TMEM135: variants seen among roughly 807,000 people sequenced by gnomAD.
TMEM135 encodes peroxisomal membrane protein 52.
A neutral mutation model predicts 60.3 loss-of-function variants in TMEM135; 30 were observed. The observed-to-expected ratio is 0.50, with a 90% CI of 0.37 to 0.68. The LOEUF (loss-of-function observed/expected upper bound fraction) is 0.68. TMEM135 is among the 30% of genes least tolerant of loss of function. The probability of loss-of-function intolerance (pLI) is 0.00; values close to 1 mark genes in which losing one functional copy is unlikely to be tolerated. For missense variants in TMEM135, 468 were observed against 548.8 expected, an observed-to-expected ratio of 0.85 and a Z score of 1.47; for synonymous variants, 190 against 186.7, an observed-to-expected ratio of 1.02 and a Z score of -0.14.
chr11:87,066,783 C>T (rs3133316), intron 1 of TMEM135, among the ~76,000 whole-genome samples: 58,354 of 115,642 alleles, frequency 0.5, 14,420 homozygotes, highest in East Asian at 0.79. Flanking sequence ...TAGATTCTTT[C>T]TTTTTTTTTT....
chr11:87,307,011 G>A lies in TMEM135; in HGVS notation c.768+1006G>A, dbSNP rs115472490. Among the ~76,000 whole-genome samples the A allele has an allele frequency of 2.6e-3, 403 of 152,180 alleles. 2 individuals carry two copies. The highest frequency in any genetic ancestry group is 8.9e-3 in the African/African-American group (370 of 41,508). On this transcript the variant is annotated intron_variant, in intron 9 of 14. Coordinates refer to ENST00000305494, the MANE Select transcript of TMEM135 (RefSeq NM_022918.4). ...TAGGATTACAGGTGTGAACCACCGC[G>A]CCCGGCCAAGTTCCTTTATTTTGAA...
intron 5 of TMEM135, among the ~76,000 whole-genome samples, chr11:87,195,390 C>CTTCTCTCTCTCTCTCT (rs1565482230): frequency 4.2e-5 from 2 of 47,856 alleles, no homozygotes; most frequent in Non-Finnish European, 4.2e-5. Flanking sequence ...TCCTTCCTTC[C>CTTCTCTCTCTCTCTCT]TTCTCTCTCT....
chr11:87,215,729 A>C (rs1231606517), intron 5 of TMEM135, among the ~76,000 whole-genome samples: 2 of 152,168 alleles, frequency 1.3e-5, no homozygotes, highest in African/African-American at 2.4e-5. Flanking sequence ...ATGGCAAGGG[A>C]AGTATGCATA....
In TMEM135 at chr11:87,318,119, C is replaced by T. The variant is rs201424298; in HGVS notation, c.1078-18C>T. 1.0e-5 allele frequency: 16 copies of T among 1,598,126 alleles called. No individual in the cohort carries two copies. Among genetic ancestry groups the T allele is most frequent in the Admixed American group, 1.7e-5 (1 of 59,938 alleles). ...GAGGTTTTTTCTTTATAACTCTTGT[C>T]TTATGCTTGTTTTGCAGACAATGTA... is the stretch of plus-strand genomic sequence containing the variant. On this transcript the variant is annotated intron_variant, in intron 12 of 14. Coordinates refer to ENST00000305494, the MANE Select transcript of TMEM135 (RefSeq NM_022918.4).
chr11:87,195,977 C>A (rs1208451299), intron 5 of TMEM135, among the ~76,000 whole-genome samples: 1 of 151,884 alleles, frequency 6.6e-6, no homozygotes, highest in Non-Finnish European at 1.5e-5. Flanking sequence ...GACACAGATG[C>A]TGAGGAAATA....
chr11:87,047,498 A>C (rs1019057533), intron 1 of TMEM135, among the ~76,000 whole-genome samples: 1 of 151,118 alleles, frequency 6.6e-6, no homozygotes, highest in African/African-American at 2.4e-5. Context: ...GCACTGCCTC[A>C]CCTGGGAAGC....
intron 6 of TMEM135, among the ~76,000 whole-genome samples, chr11:87,276,665 A>ATTTTTTTTT (rs11340916): frequency 1.9e-4 from 22 of 115,636 alleles, no homozygotes; most frequent in Middle Eastern, 5.3e-3. Context: ...GTGTTTGTGA[A>ATTTTTTTTT]TTTTTTTTTT....
chr11:87,298,416 C>T (rs1386610257), intron 7 of TMEM135, among the ~76,000 whole-genome samples: 1 of 152,108 alleles, frequency 6.6e-6, no homozygotes, highest in South Asian at 2.1e-4. Context: ...GTCCTTTATC[C>T]ATAAAGGACA....
chr11:87,258,849 C>T, intron 6 of TMEM135: 1 of 775,754 alleles, frequency 1.3e-6, no homozygotes, highest in East Asian at 2.6e-5. Context: ...CAGTAACAAT[C>T]TAGATCTTTC....
At chr11:87,101,080 G>A (rs935913960) in intron 4 of TMEM135, among the ~76,000 whole-genome samples, 8 of 152,124 alleles carry the variant, frequency 5.3e-5, no homozygotes, top group Non-Finnish European at 1.2e-4. Context: ...AAAAATAGTA[G>A]TTTTCTAGAT....
At chr11:87,155,761 AT>A (rs370982109) in intron 4 of TMEM135, among the ~76,000 whole-genome samples, 31 of 152,226 alleles carry the variant, frequency 2.0e-4, no homozygotes, top group African/African-American at 6.7e-4. Flanking sequence ...TCTCATGCTG[AT>A]TTGGTTCCTC....
At chr11:87,287,414 C>T (rs1207611567) in intron 6 of TMEM135, among the ~76,000 whole-genome samples, 2 of 152,190 alleles carry the variant, frequency 1.3e-5, no homozygotes, top group African/African-American at 2.4e-5. Flanking sequence ...CGCAGTGGCT[C>T]AAGCCTGTAA....
At position 87,322,490 on chromosome 11, in the gene TMEM135, A is replaced by T; in HGVS notation, c.*1157A>T. The T allele has an allele frequency of 2.2e-6, 1 of 454,010 alleles. No individual in the cohort carries two copies. Among genetic ancestry groups the T allele is most frequent in the South Asian group, 1.6e-5 (1 of 64,468 alleles). 28.1% of individuals were successfully genotyped at this position (454,010 alleles called of 1,614,324 possible). On this transcript the variant is annotated 3_prime_UTR_variant, in exon 15 of 15. Coordinates refer to ENST00000305494, the MANE Select transcript of TMEM135 (RefSeq NM_022918.4). ...AGTAGTTCAGGACAGCTGTGATTGAAATATGGTCGCTATTTACAGTTTTTC... is the reference window on the plus strand; with the variant it reads ...AGTAGTTCAGGACAGCTGTGATTGATATATGGTCGCTATTTACAGTTTTTC...
intron 3 of TMEM135, among the ~76,000 whole-genome samples, chr11:87,084,142 A>G (rs12801184): frequency 0.02 from 3,086 of 152,260 alleles, 35 homozygotes; most frequent in Non-Finnish European, 0.028. Context: ...ATTATTGATT[A>G]CGCATCTAAT....
At position 87,325,406 on chromosome 11, in the gene TMEM135, C is replaced by G. The variant is rs1176980701; in HGVS notation, c.*4073C>G. On this transcript the variant is annotated 3_prime_UTR_variant, in exon 15 of 15. Transcript: ENST00000305494. ...ATAAGAATGTGTGCTATTTTACACA[C>G]AGAAGAAAATGATTGACTTTTGGTT... 1 of 453,902 alleles carries G rather than the reference C, an allele frequency of 2.2e-6. No homozygotes were observed. Among genetic ancestry groups the G allele is most frequent in the African/African-American group, 2.0e-5 (1 of 49,972 alleles). The allele number at this position is 453,902 out of a possible 1,614,324, so 28.1% of individuals were successfully genotyped here. A position where few individuals can be genotyped will look rare whatever the true frequency, so the allele number is the denominator to read the frequency against.
intron 4 of TMEM135, among the ~76,000 whole-genome samples, chr11:87,102,144 T>A (rs1443800776): frequency 6.6e-6 from 1 of 152,206 alleles, no homozygotes; most frequent in Non-Finnish European, 1.5e-5. Context: ...GGAGATAGCA[T>A]CAGATTCCAC....
Position 87,082,235 on chromosome 11 carries a change from G to A in TMEM135, c.363-9127G>A, listed in dbSNP as rs117087214. 9.5e-3 allele frequency among the ~76,000 whole-genome samples: 1,450 copies of A among 152,212 alleles called. 14 individuals carry two copies. Among genetic ancestry groups the A allele is most frequent in the Middle Eastern group, 0.017 (5 of 294 alleles). ...GACAAGTTGCCTTACAGTGTGTCTT[G>A]TTTTAAGTAAATGTGTCTGTGCGTA... On this transcript the variant is annotated intron_variant, in intron 3 of 14. Transcript: ENST00000305494.
At chr11:87,170,155 C>G (rs888976980) in intron 5 of TMEM135, among the ~76,000 whole-genome samples, 1 of 152,128 alleles carries the variant, frequency 6.6e-6, no homozygotes, top group African/African-American at 2.4e-5. Context: ...ATTTTCTTCT[C>G]TAAACTGGTT....
chr11:87,322,928 G>A lies in TMEM135; in HGVS notation c.*1595G>A, dbSNP rs1942848873. On this transcript the variant is annotated 3_prime_UTR_variant, in exon 15 of 15. Coordinates refer to ENST00000305494, the MANE Select transcript of TMEM135 (RefSeq NM_022918.4). Reference sequence around the variant, plus strand: ...CATTTCGGTTTCAGACTTCAAAGTTGATTAATAAATTTAATCTTAACTTTT... The same window carrying A: ...CATTTCGGTTTCAGACTTCAAAGTTAATTAATAAATTTAATCTTAACTTTT... 1 of 454,198 alleles carries A rather than the reference G, an allele frequency of 2.2e-6. No individual in the cohort carries two copies. Among genetic ancestry groups the A allele is most frequent in the African/African-American group, 2.0e-5 (1 of 49,944 alleles). 28.1% of individuals were successfully genotyped at this position (454,198 alleles called of 1,614,324 possible).
Sources: allele counts gnomAD v4.1 joint callset (sites outside exome capture counted in the v4.1 genomes callset), GRCh38; gene constraint gnomAD v4.1.1; transcripts MANE v1.5; gene names NCBI Gene and HGNC (gene_info 2026-07-23, HGNC 2026-07-21).